KDM4B: variants seen among roughly 807,000 people sequenced by gnomAD.
The protein encoded by KDM4B is lysine demethylase 4B.
A neutral mutation model predicts 125.2 loss-of-function variants in KDM4B; 32 were observed. That is an observed-to-expected ratio of 0.26 (90% CI 0.19 to 0.34). KDM4B has a LOEUF of 0.34. Ranked by LOEUF, KDM4B falls within the 10% of genes least tolerant of loss-of-function variation. The pLI is 1.00. For synonymous variants in KDM4B, 721 were observed against 677.9 expected, an observed-to-expected ratio of 1.06 and a Z score of -0.99; for missense variants, 1,190 against 1,577.7, an observed-to-expected ratio of 0.75 and a Z score of 4.16.
intron 1 of KDM4B, among the ~76,000 whole-genome samples, chr19:4,980,544 C>T (rs1371868414): frequency 6.6e-6 from 1 of 151,650 alleles, no homozygotes; most frequent in Non-Finnish European, 1.5e-5. Context: ...CTGCCTCAGC[C>T]TCCTGAGTAG....
intron 9 of KDM4B, among the ~76,000 whole-genome samples, chr19:5,092,430 A>G (rs2145921054): frequency 6.6e-6 from 1 of 151,786 alleles, no homozygotes; most frequent in South Asian, 2.1e-4. Context: ...CCTTTCTCCC[A>G]CTGCTCTCGG....
At chr19:5,068,632 G>A (rs191815385) in intron 6 of KDM4B, among the ~76,000 whole-genome samples, 243 of 152,354 alleles carry the variant, frequency 1.6e-3, no homozygotes, top group South Asian at 6.8e-3. Flanking sequence ...TCTGGTCCCC[G>A]AGGCCGTCGC....
chr19:5,083,172 C>T (rs1278132647), intron 9 of KDM4B, among the ~76,000 whole-genome samples: 1 of 152,208 alleles, frequency 6.6e-6, no homozygotes, highest in Non-Finnish European at 1.5e-5. Context: ...CAATTGGCGT[C>T]TGAACTGAGC....
chr19:5,117,718 C>T (rs543489513), intron 10 of KDM4B, among the ~76,000 whole-genome samples: 1 of 152,264 alleles, frequency 6.6e-6, no homozygotes, highest in East Asian at 1.9e-4. Flanking sequence ...CCCCCATCCA[C>T]CTCCTGCTCC....
intron 1 of KDM4B, among the ~76,000 whole-genome samples, chr19:5,007,664 G>C (rs1230445879): frequency 6.7e-6 from 1 of 149,662 alleles, no homozygotes; most frequent in Non-Finnish European, 1.5e-5. Context: ...TCCCACCTCA[G>C]CCTCCCGAGT....
chr19:5,004,641 C>A (rs1433166317), intron 1 of KDM4B, among the ~76,000 whole-genome samples: 1 of 152,216 alleles, frequency 6.6e-6, no homozygotes, highest in East Asian at 1.9e-4. Context: ...GAACGCTTGA[C>A]TGTGAGATGC....
At chr19:5,000,849 T>C (rs1183905462) in intron 1 of KDM4B, among the ~76,000 whole-genome samples, 2 of 152,256 alleles carry the variant, frequency 1.3e-5, no homozygotes, top group South Asian at 4.2e-4. Context: ...CGTGATGTAG[T>C]GTATAGAACA....
In KDM4B at chr19:5,113,945, A is replaced by G. The variant is rs2039203318; in HGVS notation, c.1115+3127A>G. 3.3e-6 allele frequency: 4 copies of G among 1,224,742 alleles called. No homozygotes were observed. The Admixed American group carries it at 8.4e-5, about 26-fold the overall frequency. 75.9% of individuals were successfully genotyped at this position (1,224,742 alleles called of 1,614,324 possible). A position where few individuals can be genotyped will look rare whatever the true frequency, so the allele number is the denominator to read the frequency against. ...TGCCTGAGCTCAGAGGACACGGCCT[A>G]CTCCCTGCTCGCCACCTTACATGGG... On this transcript the variant is annotated intron_variant, in intron 10 of 22. Transcript: ENST00000159111.
intron 2 of KDM4B, among the ~76,000 whole-genome samples, chr19:5,017,480 T>C (rs1295427999): frequency 6.6e-6 from 1 of 152,178 alleles, no homozygotes; most frequent in Non-Finnish European, 1.5e-5. Flanking sequence ...TGTTTGGGCC[T>C]GTGCAGAAAA....
intron 1 of KDM4B, among the ~76,000 whole-genome samples, chr19:5,006,094 G>A (rs114820527): frequency 0.014 from 2,175 of 152,176 alleles, 57 homozygotes; most frequent in African/African-American, 0.05. Flanking sequence ...AGGATGGGGG[G>A]CTGGTGGCGG....
intron 9 of KDM4B, among the ~76,000 whole-genome samples, chr19:5,083,058 G>A (rs961849901): frequency 6.6e-6 from 1 of 152,162 alleles, no homozygotes; most frequent in African/African-American, 2.4e-5. Context: ...TGGAGGTCAC[G>A]GTGAGCTTAG....
intron 3 of KDM4B, among the ~76,000 whole-genome samples, chr19:5,037,459 G>A (rs1462207421): frequency 2.0e-5 from 3 of 152,198 alleles, no homozygotes; most frequent in African/African-American, 2.4e-5. Flanking sequence ...CGGCAGCCCC[G>A]CAGCTGCCCC....
In KDM4B at chr19:5,135,414, C is replaced by T. The variant is rs1219281207; in HGVS notation, c.2161C>T (p.Arg721Cys). The T allele has an allele frequency of 2.9e-5, 47 of 1,613,564 alleles. No individual in the cohort carries two copies. The highest frequency in any genetic ancestry group is 8.9e-5 in the East Asian group (4 of 44,886). Residue 721 changes from arginine to cysteine, a missense_variant, in exon 15 of 23, where the codon CGT (arginine) becomes TGT (cysteine). Around this residue, in one of 7 missense-constraint regions of KDM4B, gnomAD observed 128 missense variants for 137.8 expected, o/e 0.93. Coordinates refer to ENST00000159111, the MANE Select transcript of KDM4B (RefSeq NM_015015.3). Reference sequence around the variant, plus strand: ...CCCGGCCACATTACCCTCCAAAAGCCGTCAGAAGACCCGACCGCTCATCCC... The same window carrying T: ...CCCGGCCACATTACCCTCCAAAAGCTGTCAGAAGACCCGACCGCTCATCCC... ...GCPATLPSKS[R>C]QKTRPLIPEM... is the part of the protein sequence containing the mutation.
chr19:5,064,358 C>T (rs2037700951), intron 6 of KDM4B, among the ~76,000 whole-genome samples: 1 of 151,904 alleles, frequency 6.6e-6, no homozygotes, highest in South Asian at 2.1e-4. Context: ...CCTGTGCAGA[C>T]ACTGTGAAAT....
chr19:5,001,265 C>T (rs556418076), intron 1 of KDM4B, among the ~76,000 whole-genome samples: 4 of 152,134 alleles, frequency 2.6e-5, no homozygotes, highest in South Asian at 4.1e-4. Flanking sequence ...CTCAAACTCC[C>T]GGGCTCAAGT....
chr19:5,009,205 G>A (rs550643615), intron 1 of KDM4B, among the ~76,000 whole-genome samples: 4 of 152,166 alleles, frequency 2.6e-5, no homozygotes, highest in South Asian at 2.1e-4. Flanking sequence ...GTGAGCCACC[G>A]CTCCCGGCCT....
At chr19:5,049,244 G>A (rs1394398141) in intron 6 of KDM4B, among the ~76,000 whole-genome samples, 2 of 152,232 alleles carry the variant, frequency 1.3e-5, no homozygotes, top group Middle Eastern at 3.4e-3. Context: ...CATCCAGGAC[G>A]CAGCCTCTGA....
At chr19:5,102,635 G>A (rs973812444) in intron 9 of KDM4B, among the ~76,000 whole-genome samples, 1 of 152,162 alleles carries the variant, frequency 6.6e-6, no homozygotes, top group Admixed American at 6.5e-5. Flanking sequence ...GAGGGATCTC[G>A]CACCACAGCA....
intron 6 of KDM4B, among the ~76,000 whole-genome samples, chr19:5,069,602 G>A (rs1018535399): frequency 3.4e-5 from 5 of 145,276 alleles, no homozygotes; most frequent in Admixed American, 6.9e-5. Flanking sequence ...CACTGCACCC[G>A]GCCTGTTTGT....
Sources: allele counts gnomAD v4.1 joint callset (sites outside exome capture counted in the v4.1 genomes callset), GRCh38; gene constraint gnomAD v4.1.1; regional missense constraint gnomAD v4.1.1; transcripts MANE v1.5; gene names NCBI Gene and HGNC (gene_info 2026-07-23, HGNC 2026-07-21).